Variants in RNF24 observed in about 807,000 individuals in gnomAD.
RNF24 encodes ring finger protein 24.
RNF24 carries 14 observed loss-of-function variants against 20.0 expected under a neutral mutation model. That is an observed-to-expected ratio of 0.70 (90% CI 0.46 to 1.10). RNF24 has a LOEUF of 1.10. RNF24 is among the 50% of genes least tolerant of loss of function. The pLI is 0.00. For missense variants in RNF24, 124 were observed against 177.6 expected (o/e 0.70, Z 1.71); for synonymous variants, 45 against 61.1 (o/e 0.74, Z 1.23).
Position 3,934,987 on chromosome 20 carries a change from T to C in RNF24, c.308+7A>G, listed in dbSNP as rs376535586. 16 of 1,612,226 alleles carry C rather than the reference T, an allele frequency of 9.9e-6. No individual in the cohort carries two copies. Among genetic ancestry groups the C allele is most frequent in the Admixed American group, 5.0e-5 (3 of 59,996 alleles). ...GTCCCATTAAGTAATTCCATACCAA[T>C]ACTTACTTTCTGTGGAAGGCGTGCT... On this transcript the variant is annotated splice_region_variant and intron_variant, in intron 5 of 5. Transcript: ENST00000358395. This position sits in a 1 kb window ranked among gnomAD's most constrained non-coding sequence, Gnocchi z 4.0.
intron 1 of RNF24, among the ~76,000 whole-genome samples, chr20:3,974,959 T>C (rs921369106): frequency 6.6e-6 from 1 of 151,936 alleles, no homozygotes; most frequent in African/African-American, 2.4e-5. Context: ...TAAAGCAATT[T>C]TGAAAAAAGA....
intron 1 of RNF24, among the ~76,000 whole-genome samples, chr20:3,990,956 AC>A (rs1313429416): frequency 6.6e-6 from 1 of 152,082 alleles, no homozygotes; most frequent in Non-Finnish European, 1.5e-5. Context: ...AAACAAAAAA[AC>A]AACACACAGG....
intron 1 of RNF24, among the ~76,000 whole-genome samples, chr20:3,999,401 G>A (rs979172135): frequency 4.6e-5 from 7 of 152,156 alleles, no homozygotes; most frequent in African/African-American, 1.7e-4. Context: ...ACCGTTTATA[G>A]GGCTTTTCTC....
chr20:3,985,492 T>G (rs1979805504), intron 1 of RNF24, among the ~76,000 whole-genome samples: 1 of 152,204 alleles, frequency 6.6e-6, no homozygotes, highest in Non-Finnish European at 1.5e-5. Context: ...CTTCACATTT[T>G]GGATTTTTTC....
chr20:4,001,918 G>C (rs1421587178), intron 1 of RNF24, among the ~76,000 whole-genome samples: 2 of 152,032 alleles, frequency 1.3e-5, no homozygotes, highest in Admixed American at 1.3e-4. Flanking sequence ...CTGCACTCTA[G>C]CCTGGGCGAC....
chr20:3,959,361 T>C (rs1004161454), intron 2 of RNF24, among the ~76,000 whole-genome samples: 3 of 152,222 alleles, frequency 2.0e-5, no homozygotes, highest in Non-Finnish European at 2.9e-5. Flanking sequence ...CTCCCAAGTA[T>C]TTCTTACAAC....
intron 1 of RNF24, among the ~76,000 whole-genome samples, chr20:3,989,833 C>G (rs1416999241): frequency 2.0e-5 from 3 of 152,142 alleles, no homozygotes; most frequent in African/African-American, 7.2e-5. Flanking sequence ...TGAGAAGACA[C>G]GGAGTAGAGC....
intron 1 of RNF24, among the ~76,000 whole-genome samples, chr20:4,006,213 AC>A (rs1173552787): frequency 2.6e-5 from 4 of 152,170 alleles, no homozygotes; most frequent in Non-Finnish European, 5.9e-5. Flanking sequence ...TACTAAAAAT[AC>A]AAAAATTAGC....
intron 4 of RNF24, among the ~76,000 whole-genome samples, chr20:3,935,420 A>T (rs1600618685): frequency 1.3e-5 from 2 of 152,098 alleles, no homozygotes; most frequent in Non-Finnish European, 2.9e-5. Context: ...GTGCCGAAAG[A>T]GCTGAGGCTC....
At chr20:3,968,355 C>T (rs1224862730) in intron 1 of RNF24, among the ~76,000 whole-genome samples, 1 of 151,670 alleles carries the variant, frequency 6.6e-6, no homozygotes, top group East Asian at 2.0e-4. Flanking sequence ...ATGCCTGTAA[C>T]CCCAGTACTT....
intron 4 of RNF24, among the ~76,000 whole-genome samples, chr20:3,941,842 G>T (rs1460306873): frequency 2.0e-5 from 3 of 152,098 alleles, no homozygotes; most frequent in African/African-American, 4.8e-5. Context: ...AAGAGGCCGA[G>T]GGGGGCAGAT....
In RNF24 at chr20:4,003,058, C is replaced by T. The variant is rs775433438; in HGVS notation, c.-8+12379G>A. 3.9e-5 allele frequency among the ~76,000 whole-genome samples: 6 copies of T among 152,196 alleles called. No individual in the cohort carries two copies. In the South Asian group the frequency reaches 6.2e-4, roughly 16 times the overall value. ...GATCTCAGAACACTGCAACCTCTGC[C>T]GCCCGGGTTCAAGTGATTCTCCTGC... On this transcript the variant is annotated intron_variant, in intron 1 of 5. Transcript: ENST00000358395.
chr20:3,941,034 A>AT (rs963374969), intron 4 of RNF24, among the ~76,000 whole-genome samples: 8 of 152,078 alleles, frequency 5.3e-5, no homozygotes, highest in Non-Finnish European at 1.0e-4. Flanking sequence ...AGGTTTTCTT[A>AT]TTTTTTTGAG....
intron 1 of RNF24, 45 bp downstream of exon 1, chr20:4,015,392 C>T (rs1197910521): frequency 6.6e-6 from 1 of 151,872 alleles, no homozygotes; most frequent in Non-Finnish European, 1.5e-5. Flanking sequence ...AACCCCAGCC[C>T]GGGGGCGGCG....
intron 1 of RNF24, among the ~76,000 whole-genome samples, chr20:3,999,815 G>T (rs1981237990): frequency 6.6e-6 from 1 of 152,024 alleles, no homozygotes; most frequent in African/African-American, 2.4e-5. Flanking sequence ...CTTCCTTCAG[G>T]ATAAGTCAGT....
chr20:4,003,771 T>G (rs1474561112), intron 1 of RNF24, among the ~76,000 whole-genome samples: 1 of 148,996 alleles, frequency 6.7e-6, no homozygotes, highest in Non-Finnish European at 1.5e-5. Context: ...GCCTCCCAAG[T>G]AGCTGGGATT....
intron 2 of RNF24, among the ~76,000 whole-genome samples, chr20:3,958,485 T>C (rs2875897): frequency 6.6e-6 from 1 of 152,222 alleles, no homozygotes; most frequent in Non-Finnish European, 1.5e-5. Flanking sequence ...TTCCCTATGC[T>C]ACTGAAATTT....
At chr20:3,984,541 C>G (rs1489316699) in intron 1 of RNF24, among the ~76,000 whole-genome samples, 1 of 152,172 alleles carries the variant, frequency 6.6e-6, no homozygotes, top group African/African-American at 2.4e-5. Context: ...AAAGGTCTCC[C>G]TCTGTATTCC....
In RNF24 at chr20:3,952,235, A is replaced by C. The variant is rs140869154; in HGVS notation, c.144-3956T>G. ...ACTGAGGAAGAACTGACATCTTTGCAAGACTGAGTGTCTAACCTATGAACA... is the reference window on the plus strand; with the variant it reads ...ACTGAGGAAGAACTGACATCTTTGCCAGACTGAGTGTCTAACCTATGAACA... On this transcript the variant is annotated intron_variant, in intron 2 of 5. Coordinates refer to ENST00000358395, the MANE Select transcript of RNF24 (RefSeq NM_001134337.3). 2.5e-3 allele frequency among the ~76,000 whole-genome samples: 374 copies of C among 152,110 alleles called. 4 individuals are homozygous for C. Among genetic ancestry groups the C allele is most frequent in the African/African-American group, 8.6e-3 (356 of 41,518 alleles).
Sources: allele counts gnomAD v4.1 joint callset (sites outside exome capture counted in the v4.1 genomes callset), GRCh38; gene constraint gnomAD v4.1.1; non-coding constraint Gnocchi (gnomAD v3.1); transcripts MANE v1.5; gene names NCBI Gene and HGNC (gene_info 2026-07-23, HGNC 2026-07-21).